Variants in PLA2R1 observed in about 807,000 individuals in gnomAD.
The protein encoded by PLA2R1 is secretory phospholipase A2 receptor.
A neutral mutation model predicts 195.9 loss-of-function variants in PLA2R1; 158 were observed. That is an observed-to-expected ratio of 0.81 (90% CI 0.71 to 0.92). The LOEUF is 0.92. PLA2R1 is among the 40% of genes least tolerant of loss of function. The pLI, the probability that PLA2R1 is intolerant of heterozygous loss-of-function variation, is 0.00. For missense variants in PLA2R1, 1,626 were observed against 1,764.6 expected (o/e 0.92, Z 1.41); for synonymous variants, 586 against 598.2 (o/e 0.98, Z 0.30).
At chr2:160,042,362 G>C (rs751558250) in intron 2 of PLA2R1, among the ~76,000 whole-genome samples, 164 bp from the exon 3 acceptor site, 39 of 152,246 alleles carry the variant, frequency 2.6e-4, no homozygotes, top group Non-Finnish European at 4.8e-4. Context: ...GTCAGTAGAG[G>C]TGTGAGACTG....
At chr2:160,020,414 G>C in intron 7 of PLA2R1, 151 bp from the exon 8 acceptor site, 1 of 615,926 alleles carries the variant, frequency 1.6e-6, no homozygotes, top group Non-Finnish European at 2.8e-6. Flanking sequence ...GGTATAAAAT[G>C]TCTGTTTAAA....
chr2:159,984,102 T>C (rs1440446848), intron 12 of PLA2R1, 29 bp from the exon 13 acceptor site: 17 of 1,104,290 alleles, frequency 1.5e-5, no homozygotes, highest in Non-Finnish European at 2.3e-5. Flanking sequence ...TAAATTAACA[T>C]TGTTATAGAT....
chr2:159,958,350 G>A (rs538160289), intron 20 of PLA2R1, among the ~76,000 whole-genome samples: 1 of 152,188 alleles, frequency 6.6e-6, no homozygotes, highest in Non-Finnish European at 1.5e-5. Context: ...ACCAGTAGCA[G>A]GTGCCGGCAC....
chr2:160,031,671 G>A (rs1226923368), intron 4 of PLA2R1, among the ~76,000 whole-genome samples: 1 of 152,196 alleles, frequency 6.6e-6, no homozygotes, highest in Admixed American at 6.5e-5. Flanking sequence ...ACCCAGGCAG[G>A]TGGCTCCCTG....
At chr2:160,030,965 T>G (rs1259650414) in intron 4 of PLA2R1, among the ~76,000 whole-genome samples, 3 of 152,224 alleles carry the variant, frequency 2.0e-5, no homozygotes, top group African/African-American at 7.2e-5. Context: ...GCAGTTAAGA[T>G]AGATAATTGT....
chr2:159,998,560 T>C (rs150287774), intron 11 of PLA2R1, among the ~76,000 whole-genome samples: 1 of 152,260 alleles, frequency 6.6e-6, no homozygotes, highest in East Asian at 1.9e-4. Context: ...TATTTTTCGA[T>C]CCAAAACCTC....
In PLA2R1 at chr2:160,042,130, A is replaced by C; in HGVS notation, c.562T>G (p.Trp188Gly). Residue 188 changes from tryptophan to glycine, a missense_variant, in exon 3 of 30, where the codon TGG becomes GGG. By Grantham distance (184) the Trp-to-Gly change is radical. Transcript: ENST00000283243. The part of the protein sequence containing the change: ...CMFPFQYNHQ[W>G]HHECTREGRE... Reference sequence around the variant, plus strand: ...CCTTCACGGGTACATTCATGATGCCACTGATGGTTATACTGGAAGGGAAAC... The same window carrying C: ...CCTTCACGGGTACATTCATGATGCCCCTGATGGTTATACTGGAAGGGAAAC... The C allele has an allele frequency of 6.2e-7, 1 of 1,614,040 alleles. No individual in the cohort carries two copies. The highest frequency in any genetic ancestry group is 8.5e-7 in the Non-Finnish European group (1 of 1,179,868).
At chr2:159,981,216 C>CGTGT (rs3061613) in intron 13 of PLA2R1, among the ~76,000 whole-genome samples, 2,114 of 148,200 alleles carry the variant, frequency 0.014, 41 homozygotes, top group Middle Eastern at 0.063. Context: ...TATGTGCATA[C>CGTGT]GTGTGTGTGT....
At chr2:159,971,291 T>C (rs1029587019) in intron 17 of PLA2R1, among the ~76,000 whole-genome samples, 7 of 152,194 alleles carry the variant, frequency 4.6e-5, no homozygotes, top group Non-Finnish European at 8.8e-5. Context: ...AGTAATGTTG[T>C]AGTGTTCAGA....
At chr2:159,986,728 A>G (rs1170221587) in intron 12 of PLA2R1, among the ~76,000 whole-genome samples, 1 of 151,986 alleles carries the variant, frequency 6.6e-6, no homozygotes, top group Non-Finnish European at 1.5e-5. Context: ...CTGGGACTAC[A>G]GGTGCATGCC....
rs1188122221 is a variant in PLA2R1 at position 159,934,163 on chromosome 2, C to G, written c.*7615G>C. ...GATGTACATGCCATTTTGGAAATGTCTCCAAATTTTTCTTCTCCAAGAACA... is the reference window on the plus strand; with the variant it reads ...GATGTACATGCCATTTTGGAAATGTGTCCAAATTTTTCTTCTCCAAGAACA... On this transcript the variant is annotated 3_prime_UTR_variant, in exon 30 of 30. Coordinates refer to ENST00000283243, the MANE Select transcript of PLA2R1 (RefSeq NM_007366.5). 1 of 152,218 alleles carries G rather than the reference C, an allele frequency of 6.6e-6. No individual in the cohort carries two copies. The highest frequency in any genetic ancestry group is 1.5e-5 in the Non-Finnish European group (1 of 68,040). 9.4% of individuals were successfully genotyped at this position (152,218 alleles called of 1,614,324 possible).
At chr2:159,927,942 A>C (rs995499056), downstream of PLA2R1, among the ~76,000 whole-genome samples, 1 of 152,238 alleles carries the variant, frequency 6.6e-6, no homozygotes, top group African/African-American at 2.4e-5. Context: ...TCATCTGTAA[A>C]ACTGTGCTTA....
downstream of PLA2R1, among the ~76,000 whole-genome samples, chr2:159,930,442 C>T (rs892692392): frequency 6.6e-6 from 1 of 151,684 alleles, no homozygotes; most frequent in African/African-American, 2.4e-5. Flanking sequence ...TTGGTTACAG[C>T]GTACACTGCT....
intron 10 of PLA2R1, among the ~76,000 whole-genome samples, chr2:160,009,768 G>A (rs1488738411): frequency 6.6e-6 from 1 of 152,166 alleles, no homozygotes; most frequent in African/African-American, 2.4e-5. Context: ...AGATATGACA[G>A]TTGCAGGAAA....
At chr2:159,958,216 C>T (rs1363032004) in intron 20 of PLA2R1, among the ~76,000 whole-genome samples, 2 of 151,864 alleles carry the variant, frequency 1.3e-5, no homozygotes, top group African/African-American at 2.4e-5. Context: ...TCAGTTCATG[C>T]GAGATCTGAT....
At chr2:159,954,195 T>C (rs1373303740) in intron 23 of PLA2R1, among the ~76,000 whole-genome samples, 4 of 152,100 alleles carry the variant, frequency 2.6e-5, no homozygotes, top group Non-Finnish European at 5.9e-5. Flanking sequence ...TTTTACCTAC[T>C]TCATAGAACT....
rs1375723854 is a variant in PLA2R1 at position 159,934,617 on chromosome 2, AAAAAT to A, written c.*7156_*7160del. On this transcript the variant is annotated 3_prime_UTR_variant, in exon 30 of 30. Transcript: ENST00000283243. The stretch of plus-strand genomic sequence containing the variant: ...CAGAATATTATAAATAACAACATGT[AAAAAT>A]AAAAGTGCCTTATCACCCTTTTAAT... The A allele has an allele frequency of 6.6e-6, 1 of 152,240 alleles. No individual in the cohort carries two copies. Among genetic ancestry groups the A allele is most frequent in the African/African-American group, 2.4e-5 (1 of 41,454 alleles). 9.4% of individuals were successfully genotyped at this position (152,240 alleles called of 1,614,324 possible).
chr2:159,953,049 G>A (rs1195652711), intron 23 of PLA2R1, among the ~76,000 whole-genome samples: 1 of 152,122 alleles, frequency 6.6e-6, no homozygotes, highest in Non-Finnish European at 1.5e-5. Flanking sequence ...ATTTTAAAAT[G>A]CTAACAATTC....
intron 17 of PLA2R1, among the ~76,000 whole-genome samples, chr2:159,972,150 G>A (rs1010600880): frequency 7.9e-5 from 12 of 152,072 alleles, no homozygotes; most frequent in Admixed American, 7.2e-4. Flanking sequence ...ATCCTAAGTG[G>A]CATATTTATT....
Sources: allele counts gnomAD v4.1 joint callset (sites outside exome capture counted in the v4.1 genomes callset), GRCh38; gene constraint gnomAD v4.1.1; transcripts MANE v1.5; gene names NCBI Gene and HGNC (gene_info 2026-07-23, HGNC 2026-07-21).